GLO1: variants seen among roughly 807,000 people sequenced by gnomAD.
GLO1 encodes glyoxalase I.
A neutral mutation model predicts 26.0 loss-of-function variants in GLO1; 28 were observed. That is an observed-to-expected ratio of 1.08 (90% CI 0.80 to 1.48). The LOEUF (loss-of-function observed/expected upper bound fraction) is 1.48. GLO1 is among the 40% of genes most tolerant of loss of function. The pLI is 0.00. For synonymous variants in GLO1, 78 were observed against 77.6 expected, an observed-to-expected ratio of 1.00 and a Z score of -0.03; for missense variants, 225 against 224.8, an observed-to-expected ratio of 1.00 and a Z score of -0.01.
At position 38,693,699 on chromosome 6, in the gene GLO1, ATATAT is replaced by A. The variant is rs1286935775; in HGVS notation, c.85-6730_85-6726del. Among the ~76,000 whole-genome samples the A allele has an allele frequency of 2.3e-3, 327 of 140,290 alleles. 4 individuals carry two copies. The highest frequency in any genetic ancestry group is 7.9e-3 in the African/African-American group (300 of 38,070). 92.0% of individuals were successfully genotyped at this position (140,290 alleles called of 152,430 possible). A position where few individuals can be genotyped will look rare whatever the true frequency, so the allele number is the denominator to read the frequency against. ...TCTCTCTCTCTCTATATATATATAT[ATATAT>A]ATTTGTTTTGTTTTGTTTTGTTTTG... On this transcript the variant is annotated intron_variant, in intron 1 of 5. Coordinates refer to ENST00000373365, the MANE Select transcript of GLO1 (RefSeq NM_006708.3).
rs1761246828 is a variant in GLO1 at position 38,676,544 on chromosome 6, G to T, written c.*751C>A. On this transcript the variant is annotated 3_prime_UTR_variant, in exon 6 of 6. Transcript: ENST00000373365. ...ATACTAAAAATGATTATGAAATCTT[G>T]AGTTGAGCTGATTGATGCCCTCTTA... 1.3e-5 allele frequency: 2 copies of T among 152,220 alleles called. No individual in the cohort carries two copies. Among genetic ancestry groups the T allele is most frequent in the Admixed American group, 6.5e-5 (1 of 15,288 alleles). The allele number at this position is 152,220 out of a possible 1,614,324, so 9.4% of individuals were successfully genotyped here.
intron 5 of GLO1, among the ~76,000 whole-genome samples, chr6:38,680,231 C>A (rs1389924181): frequency 6.6e-6 from 1 of 152,084 alleles, no homozygotes; most frequent in Non-Finnish European, 1.5e-5. Context: ...CCTTAAAAAC[C>A]CTTTAAAGGG....
chr6:38,678,066 T>C (rs1387512198), intron 5 of GLO1, among the ~76,000 whole-genome samples: 2 of 152,200 alleles, frequency 1.3e-5, no homozygotes, highest in Non-Finnish European at 2.9e-5. Flanking sequence ...ACCCAGATGC[T>C]TGGGTCATAC....
At chr6:38,677,545 G>A (rs1307227795) in intron 5 of GLO1, among the ~76,000 whole-genome samples, 162 bp from the exon 6 acceptor site, 1 of 152,150 alleles carries the variant, frequency 6.6e-6, no homozygotes, top group Non-Finnish European at 1.5e-5. Context: ...AGCCTGCCAA[G>A]TAGCTGGGGC....
At chr6:38,701,569 A>C (rs114434170) in intron 1 of GLO1, among the ~76,000 whole-genome samples, 279 of 152,338 alleles carry the variant, frequency 1.8e-3, no homozygotes, top group African/African-American at 6.3e-3. Flanking sequence ...TGAGTGACTC[A>C]ATTTACATTA....
At chr6:38,686,819 G>A in intron 2 of GLO1, 73 bp downstream of exon 2, 1 of 840,400 alleles carries the variant, frequency 1.2e-6, no homozygotes, top group Non-Finnish European at 2.0e-6. Context: ...CTTTAAGATG[G>A]GTCTGAAAAC....
At chr6:38,679,804 A>T (rs961378283) in intron 5 of GLO1, among the ~76,000 whole-genome samples, 2 of 152,094 alleles carry the variant, frequency 1.3e-5, no homozygotes, top group African/African-American at 4.8e-5. Context: ...AAAAAAAAAA[A>T]AAAGTAATAA....
In GLO1 at chr6:38,676,263, T is replaced by A. The variant is rs1346376711; in HGVS notation, c.*1032A>T. 2 of 152,176 alleles carry A rather than the reference T, an allele frequency of 1.3e-5. No homozygotes were observed. The highest frequency in any genetic ancestry group is 4.8e-5 in the African/African-American group (2 of 41,436). The allele number at this position is 152,176 out of a possible 1,614,324, so 9.4% of individuals were successfully genotyped here. A position where few individuals can be genotyped will look rare whatever the true frequency, so the allele number is the denominator to read the frequency against. On this transcript the variant is annotated 3_prime_UTR_variant, in exon 6 of 6. Transcript: ENST00000373365. The stretch of plus-strand genomic sequence containing the variant: ...AACTAAGTTATCACTGAACATAATT[T>A]ATCATATATGGCTACTGGCATCATG...
intron 1 of GLO1, among the ~76,000 whole-genome samples, chr6:38,691,507 C>T (rs1761530713): frequency 6.6e-6 from 1 of 152,064 alleles, no homozygotes; most frequent in Non-Finnish European, 1.5e-5. Context: ...AAGGGTTTCA[C>T]CACATTGGCC....
chr6:38,685,575 A>G (rs551536908), intron 2 of GLO1, among the ~76,000 whole-genome samples: 54 of 152,342 alleles, frequency 3.5e-4, no homozygotes, highest in African/African-American at 1.2e-3. Flanking sequence ...TATCACTGCT[A>G]TATAATAGAC....
At chr6:38,686,864 T>G (rs761910099) in intron 2 of GLO1, 28 bp downstream of exon 2, 1 of 1,184,914 alleles carries the variant, frequency 8.4e-7, no homozygotes, top group Admixed American at 1.8e-5. Flanking sequence ...TATTTAAACA[T>G]TAAGGTGCCA....
intron 1 of GLO1, among the ~76,000 whole-genome samples, chr6:38,701,816 C>A (rs1223297553): frequency 6.6e-6 from 1 of 151,976 alleles, no homozygotes; most frequent in Non-Finnish European, 1.5e-5. Flanking sequence ...CTGCACGAAG[C>A]ACATATTCAA....
At chr6:38,680,473 A>G (rs1183728809) in intron 5 of GLO1, among the ~76,000 whole-genome samples, 3 of 152,218 alleles carry the variant, frequency 2.0e-5, no homozygotes, top group Non-Finnish European at 4.4e-5. Context: ...GTGAGCCAAG[A>G]CCGTGCCATT....
chr6:38,687,027 A>G, intron 1 of GLO1, 53 bp from the exon 2 acceptor site: 1 of 1,537,910 alleles, frequency 6.5e-7, no homozygotes, highest in Non-Finnish European at 8.9e-7. Context: ...TTTATTACCA[A>G]CATTAATTGT....
chr6:38,685,656 A>T (rs1761451724), intron 2 of GLO1, among the ~76,000 whole-genome samples: 1 of 152,234 alleles, frequency 6.6e-6, no homozygotes, highest in African/African-American at 2.4e-5. Context: ...ATAATAAAGT[A>T]TCAAACACCT....
intron 5 of GLO1, among the ~76,000 whole-genome samples, chr6:38,681,753 A>T (rs1216893618): frequency 6.6e-6 from 1 of 152,212 alleles, no homozygotes; most frequent in Non-Finnish European, 1.5e-5. Context: ...GGGGTCGGGC[A>T]GTGGGAGAGG....
intron 4 of GLO1, 42 bp downstream of exon 4, chr6:38,682,766 C>A: frequency 9.5e-7 from 1 of 1,056,040 alleles, no homozygotes; most frequent in South Asian, 1.3e-5. Context: ...AATACAAAAT[C>A]ACACAAATCT....
Position 38,676,680 on chromosome 6 carries a change from G to A in GLO1, c.*615C>T, listed in dbSNP as rs1018989300. ...AAGTTGCAGCCTAGCCCAGTGTCTG[G>A]GTACCATATCATTTCCTTCCTCCTC... is the stretch of plus-strand genomic sequence containing the variant. On this transcript the variant is annotated 3_prime_UTR_variant, in exon 6 of 6. Transcript: ENST00000373365. The A allele has an allele frequency of 6.6e-6, 1 of 152,082 alleles. No individual in the cohort carries two copies. Among genetic ancestry groups the A allele is most frequent in the South Asian group, 2.1e-4 (1 of 4,814 alleles). The allele number at this position is 152,082 out of a possible 1,614,324, so 9.4% of individuals were successfully genotyped here.
chr6:38,682,010 A>C lies in GLO1; in HGVS notation c.466+2T>G, dbSNP rs1361414948. On this transcript the variant is annotated splice_donor_variant, in intron 5 of 5. Transcript: ENST00000373365. LOFTEE classifies it high-confidence loss of function. Reference sequence around the variant, plus strand: ...CCTGAACACAGTAAGTAGTAGACTCACCATCATCAGGTTTCTTCACAAATT... The same window carrying C: ...CCTGAACACAGTAAGTAGTAGACTCCCCATCATCAGGTTTCTTCACAAATT... The C allele has an allele frequency of 2.8e-6, 4 of 1,430,228 alleles. No homozygotes were observed. The Admixed American group carries it at 6.7e-5, about 24-fold the overall frequency. 88.6% of individuals were successfully genotyped at this position (1,430,228 alleles called of 1,614,324 possible). A position where few individuals can be genotyped will look rare whatever the true frequency, so the allele number is the denominator to read the frequency against.
Sources: gnomAD v4.1 joint callset for allele counts (sites outside exome capture counted in the v4.1 genomes callset) on GRCh38, gnomAD v4.1.1 for gene constraint, MANE v1.5 for transcripts, NCBI Gene and HGNC (gene_info 2026-07-23, HGNC 2026-07-21) for gene names.